The following SLC4A4 variants were observed in gnomAD, a reference collection of about 807,000 sequenced individuals.
SLC4A4 encodes electrogenic sodium bicarbonate cotransporter 1.
A neutral mutation model predicts 111.5 loss-of-function variants in SLC4A4; 27 were observed. That is an observed-to-expected ratio of 0.24 (90% CI 0.18 to 0.33). SLC4A4 has a LOEUF of 0.33. Among genes scored for constraint, SLC4A4 ranks in the 10% least tolerant of loss-of-function variants. SLC4A4 has a pLI of 1.00. For synonymous variants in SLC4A4, 443 were observed against 463.4 expected (o/e 0.96, Z 0.57); for missense variants, 909 against 1,315.5 (o/e 0.69, Z 4.78).
Position 71,490,841 on chromosome 4 carries a change from G to A in SLC4A4, c.1974+3823G>A, listed in dbSNP as rs547985497. Among the ~76,000 whole-genome samples, 7 of 151,828 alleles carry A rather than the reference G, an allele frequency of 4.6e-5. No individual in the cohort carries two copies. The East Asian group carries it at 5.9e-4, about 13-fold the overall frequency. On this transcript the variant is annotated intron_variant, in intron 15 of 25. Transcript: ENST00000264485. ...GTCTGCATGTAGCCATTAAAAATTC[G>A]TTAAATAGAAAAATTAGTTGGGCAT...
intron 2 of SLC4A4, among the ~76,000 whole-genome samples, chr4:71,145,838 T>C (rs985921057): frequency 3.3e-5 from 5 of 152,224 alleles, no homozygotes; most frequent in African/African-American, 1.2e-4. Context: ...TCTTCTCTCT[T>C]TTCTTCTTTA....
chr4:71,329,761 C>T (rs917415917), intron 3 of SLC4A4, among the ~76,000 whole-genome samples: 2 of 152,012 alleles, frequency 1.3e-5, no homozygotes, highest in Non-Finnish European at 2.9e-5. Flanking sequence ...TATTTGCAAA[C>T]AAGGTTAATT....
At chr4:71,238,188 G>A (rs1719942192) in intron 2 of SLC4A4, among the ~76,000 whole-genome samples, 1 of 152,204 alleles carries the variant, frequency 6.6e-6, no homozygotes, top group African/African-American at 2.4e-5. Flanking sequence ...CTGTGTGCGT[G>A]TGTTTTCCTT....
At position 71,461,448 on chromosome 4, in the gene SLC4A4, A is replaced by G. The variant is rs1726814284; in HGVS notation, c.1498-4996A>G. 3.3e-5 allele frequency among the ~76,000 whole-genome samples: 5 copies of G among 152,316 alleles called. No individual in the cohort carries two copies. In the South Asian group the frequency reaches 8.3e-4, roughly 25 times the overall value. Reference sequence around the variant, plus strand: ...TTAATAAAAAGGACATAAAACAACAAAAGTCACTTTTTAGTGTTATACGAA... The same window carrying G: ...TTAATAAAAAGGACATAAAACAACAGAAGTCACTTTTTAGTGTTATACGAA... On this transcript the variant is annotated intron_variant, in intron 12 of 25. Coordinates refer to ENST00000264485, the MANE Select transcript of SLC4A4 (RefSeq NM_001098484.3).
chr4:71,122,860 A>G (rs1296160647), intron 2 of SLC4A4, among the ~76,000 whole-genome samples: 3 of 152,236 alleles, frequency 2.0e-5, no homozygotes, highest in African/African-American at 7.2e-5. Context: ...CCTCATGTCA[A>G]TATGAACAGG....
At chr4:71,346,232 T>G (rs1729317745) in intron 4 of SLC4A4, among the ~76,000 whole-genome samples, 1 of 152,124 alleles carries the variant, frequency 6.6e-6, no homozygotes, top group Non-Finnish European at 1.5e-5. Flanking sequence ...TATTTTATCA[T>G]TATTCTTCTA....
chr4:71,487,113 G>A, intron 15 of SLC4A4, 95 bp downstream of exon 15: 2 of 739,410 alleles, frequency 2.7e-6, no homozygotes, highest in Non-Finnish European at 4.8e-6. Flanking sequence ...CTACCACTCA[G>A]CAATTCTGGC....
At chr4:71,565,470 G>A (rs1699798813) in intron 24 of SLC4A4, among the ~76,000 whole-genome samples, 2 of 151,830 alleles carry the variant, frequency 1.3e-5, no homozygotes, top group African/African-American at 4.8e-5. Flanking sequence ...TGGCCAGGGT[G>A]TTGTCTTCAC....
chr4:71,311,890 TGAGAGAGAGAGA>T (rs761331086), intron 3 of SLC4A4, among the ~76,000 whole-genome samples: 3 of 76,610 alleles, frequency 3.9e-5, no homozygotes, highest in East Asian at 7.3e-4. Flanking sequence ...TGCAAGGCTG[TGAGAGAGAGAGA>T]GAGAGAGAGA....
intron 8 of SLC4A4, among the ~76,000 whole-genome samples, chr4:71,446,381 C>T (rs564881681): frequency 8.5e-5 from 13 of 152,248 alleles, no homozygotes; most frequent in African/African-American, 2.9e-4. Flanking sequence ...CCTGGCTAAG[C>T]ATCCAGAAGT....
At chr4:71,088,901 A>G (rs1742283336) in intron 1 of SLC4A4, among the ~76,000 whole-genome samples, 2 of 151,834 alleles carry the variant, frequency 1.3e-5, no homozygotes, top group South Asian at 4.2e-4. Flanking sequence ...GCTCTTCTTG[A>G]GGAGTATCTT....
At chr4:71,529,891 T>G (rs1298272415) in intron 16 of SLC4A4, among the ~76,000 whole-genome samples, 1 of 152,174 alleles carries the variant, frequency 6.6e-6, no homozygotes, top group Non-Finnish European at 1.5e-5. Flanking sequence ...TGACCTCTGG[T>G]CCTCCAGTGA....
intron 2 of SLC4A4, among the ~76,000 whole-genome samples, chr4:71,176,391 A>C (rs955841373): frequency 1.3e-5 from 2 of 152,234 alleles, no homozygotes; most frequent in Non-Finnish European, 2.9e-5. Flanking sequence ...GAGCTAAAGG[A>C]GGAAGTTCGA....
intron 2 of SLC4A4, among the ~76,000 whole-genome samples, chr4:71,148,366 C>T (rs540569560): frequency 6.6e-6 from 1 of 152,246 alleles, no homozygotes; most frequent in East Asian, 1.9e-4. Context: ...ACTGGATCTC[C>T]AAACCTTCCA....
chr4:71,206,405 A>T (rs2602086), intron 1 of SLC4A4, among the ~76,000 whole-genome samples: 42,352 of 152,054 alleles, frequency 0.28, 9,133 homozygotes, highest in African/African-American at 0.58. Flanking sequence ...ACAGTTTTCA[A>T]CAGATTTCCA....
intron 2 of SLC4A4, among the ~76,000 whole-genome samples, chr4:71,143,369 T>C (rs1251450042): frequency 6.6e-6 from 1 of 152,206 alleles, no homozygotes; most frequent in East Asian, 1.9e-4. Context: ...TTGGGTTGGT[T>C]CCAAGTCTTT....
At chr4:71,166,853 G>A (rs1487123435) in intron 2 of SLC4A4, among the ~76,000 whole-genome samples, 2 of 152,158 alleles carry the variant, frequency 1.3e-5, no homozygotes, top group African/African-American at 4.8e-5. Context: ...TTTGTTTGGA[G>A]ATTGCATGCT....
chr4:71,281,708 A>C (rs1049405068), intron 3 of SLC4A4, among the ~76,000 whole-genome samples: 1 of 152,250 alleles, frequency 6.6e-6, no homozygotes, highest in African/African-American at 2.4e-5. Flanking sequence ...AATACATAAC[A>C]CAACATGTAT....
chr4:71,566,761 T>C (rs1178531489), intron 24 of SLC4A4, among the ~76,000 whole-genome samples: 1 of 151,824 alleles, frequency 6.6e-6, no homozygotes, highest in Non-Finnish European at 1.5e-5. Context: ...AATGATTTGC[T>C]TCTTATCCTT....
Sources: gnomAD v4.1 joint callset for allele counts (sites outside exome capture counted in the v4.1 genomes callset) on GRCh38, gnomAD v4.1.1 for gene constraint, MANE v1.5 for transcripts, NCBI Gene and HGNC (gene_info 2026-07-23, HGNC 2026-07-21) for gene names.